The following GRB10 variants were observed in gnomAD, a reference collection of about 807,000 sequenced individuals.
The protein encoded by GRB10 is growth factor receptor-bound protein 10.
Under a neutral mutation model 80.9 loss-of-function variants are expected in GRB10, and 20 were observed. That is an observed-to-expected ratio of 0.25 (90% CI 0.17 to 0.36). The LOEUF is 0.36. GRB10 is among the 10% of genes least tolerant of loss of function. GRB10 has a pLI of 1.00. For synonymous variants in GRB10, 291 were observed against 291.5 expected, an observed-to-expected ratio of 1.00 and a Z score of 0.02; for missense variants, 548 against 747.7, an observed-to-expected ratio of 0.73 and a Z score of 3.12.
At chr7:50,759,306 G>T (rs2075473016) in intron 2 of GRB10, among the ~76,000 whole-genome samples, 1 of 152,026 alleles carries the variant, frequency 6.6e-6, no homozygotes, top group African/African-American at 2.4e-5. Flanking sequence ...TCCTTTCCTG[G>T]TGAAGATGAT....
At chr7:50,619,943 C>T (rs893526843) in intron 8 of GRB10, among the ~76,000 whole-genome samples, 2 of 152,222 alleles carry the variant, frequency 1.3e-5, no homozygotes, top group African/African-American at 2.4e-5. Flanking sequence ...CACACATGCA[C>T]GTACGCACAC....
chr7:50,762,509 A>C (rs1038377986), intron 2 of GRB10, among the ~76,000 whole-genome samples: 4 of 152,094 alleles, frequency 2.6e-5, no homozygotes, highest in African/African-American at 9.7e-5. Flanking sequence ...ATTTACAGAT[A>C]CAGGAACAGA....
chr7:50,673,142 C>G (rs2060534891), intron 6 of GRB10, among the ~76,000 whole-genome samples: 1 of 152,098 alleles, frequency 6.6e-6, no homozygotes, highest in Non-Finnish European at 1.5e-5. Context: ...CAAGAAGAGC[C>G]CAGGAAATGA....
At chr7:50,772,325 A>T (rs2077061255) in intron 2 of GRB10, among the ~76,000 whole-genome samples, 1 of 152,226 alleles carries the variant, frequency 6.6e-6, no homozygotes, top group South Asian at 2.1e-4. Flanking sequence ...CCAACTCCCC[A>T]GCCACCTCGT....
intron 7 of GRB10, among the ~76,000 whole-genome samples, chr7:50,665,413 A>C (rs772794624): frequency 6.6e-5 from 10 of 152,272 alleles, no homozygotes; most frequent in Non-Finnish European, 1.5e-4. Flanking sequence ...ACTCCAAAAC[A>C]TCTCACACTA....
chr7:50,709,634 G>C (rs969106956), intron 4 of GRB10, among the ~76,000 whole-genome samples: 1 of 146,430 alleles, frequency 6.8e-6, no homozygotes, highest in Non-Finnish European at 1.5e-5. Flanking sequence ...CTGGCTAACA[G>C]AGGCAGGTGG....
chr7:50,702,649 C>T (rs1393224250), intron 5 of GRB10, among the ~76,000 whole-genome samples: 1 of 152,182 alleles, frequency 6.6e-6, no homozygotes, highest in Non-Finnish European at 1.5e-5. Flanking sequence ...ACATCCAAGA[C>T]TCAGTTTCAA....
intron 5 of GRB10, among the ~76,000 whole-genome samples, chr7:50,692,270 A>G (rs2062906152): frequency 6.6e-6 from 1 of 151,906 alleles, no homozygotes. Flanking sequence ...GTTCCTGCAG[A>G]TATCAAGGGA....
At chr7:50,654,037 A>C (rs2058341555) in intron 7 of GRB10, among the ~76,000 whole-genome samples, 1 of 152,210 alleles carries the variant, frequency 6.6e-6, no homozygotes, top group African/African-American at 2.4e-5. Context: ...TCAAGGGCTG[A>C]AGGCTCAGGA....
rs1434643984 is a variant in GRB10, at chr7:50,710,887, C to G, written c.52-6979G>C. The G allele has an allele frequency of 3.1e-6, 5 of 1,612,860 alleles. No individual in the cohort carries two copies. The South Asian group carries it at 5.5e-5, about 18-fold the overall frequency. On this transcript the variant is annotated intron_variant, in intron 4 of 18. Coordinates refer to ENST00000401949, the MANE Select transcript of GRB10 (RefSeq NM_001350814.2). ...AGCGGGCACTGACCTTACTACGGAA[C>G]AGAGGGCCGGCAGCTTGCATAGGAG...
chr7:50,745,211 T>G (rs1264621953), intron 3 of GRB10, among the ~76,000 whole-genome samples: 1 of 152,242 alleles, frequency 6.6e-6, no homozygotes, highest in African/African-American at 2.4e-5. Context: ...GAGTCAACTG[T>G]AATTTTAAAT....
chr7:50,713,048 C>G (rs2066136852), intron 4 of GRB10, among the ~76,000 whole-genome samples: 1 of 152,194 alleles, frequency 6.6e-6, no homozygotes, highest in African/African-American at 2.4e-5. Flanking sequence ...GTTTTTGCAT[C>G]TGGTATTCCC....
intron 4 of GRB10, among the ~76,000 whole-genome samples, chr7:50,713,266 T>C (rs547704095): frequency 6.6e-6 from 1 of 152,164 alleles, no homozygotes; most frequent in Non-Finnish European, 1.5e-5. Flanking sequence ...CTACTGCCCC[T>C]GCCTCCTCCT....
At chr7:50,732,510 C>A in intron 3 of GRB10, 142 bp from the exon 4 acceptor site, 1 of 639,918 alleles carries the variant, frequency 1.6e-6, no homozygotes, top group Non-Finnish European at 2.8e-6. Context: ...TTGCTCGGGG[C>A]ACCAGCTTTT....
intron 8 of GRB10, among the ~76,000 whole-genome samples, chr7:50,621,903 A>C (rs1332853624): frequency 6.6e-6 from 1 of 152,266 alleles, no homozygotes; most frequent in African/African-American, 2.4e-5. Context: ...AAAAAAGAGA[A>C]TCTTACTTCC....
chr7:50,725,160 C>A (rs951221844), intron 4 of GRB10, among the ~76,000 whole-genome samples: 2 of 152,166 alleles, frequency 1.3e-5, no homozygotes, highest in African/African-American at 4.8e-5. Context: ...GGAGGAGGAG[C>A]CTGGTGGTAG....
intron 3 of GRB10, among the ~76,000 whole-genome samples, chr7:50,755,283 C>G (rs1270682187): frequency 6.6e-6 from 1 of 152,148 alleles, no homozygotes; most frequent in Non-Finnish European, 1.5e-5. Flanking sequence ...CCAGGGCCAA[C>G]CAGGACAAAG....
chr7:50,648,655 C>G (rs1040390299), intron 7 of GRB10, among the ~76,000 whole-genome samples: 1 of 152,152 alleles, frequency 6.6e-6, no homozygotes, highest in African/African-American at 2.4e-5. Context: ...TTGACCACAT[C>G]CCTCCTACAG....
chr7:50,706,997 T>A (rs2065130242), intron 4 of GRB10, among the ~76,000 whole-genome samples: 1 of 152,226 alleles, frequency 6.6e-6, no homozygotes, highest in Admixed American at 6.5e-5. Context: ...TTCATTCACA[T>A]TTGTAGCAAA....
Sources: gnomAD v4.1 joint callset for allele counts (sites outside exome capture counted in the v4.1 genomes callset) on GRCh38, gnomAD v4.1.1 for gene constraint, MANE v1.5 for transcripts, NCBI Gene and HGNC (gene_info 2026-07-23, HGNC 2026-07-21) for gene names.